The following USP24 variants were observed in gnomAD, a reference collection of about 807,000 sequenced individuals.
USP24 encodes ubiquitin carboxyl-terminal hydrolase 24.
In USP24, 97 loss-of-function variants were observed where a neutral mutation model predicts 361.6. The ratio of observed to expected loss-of-function variants is 0.27; its 90% CI spans 0.23 to 0.32. The LOEUF is 0.32. Ranked by LOEUF, USP24 falls within the 10% of genes least tolerant of loss-of-function variation. The probability of loss-of-function intolerance (pLI) is 1.00; values close to 1 mark genes in which losing one functional copy is unlikely to be tolerated. For missense variants in USP24, 2,353 were observed against 3,165.6 expected, an observed-to-expected ratio of 0.74 and a Z score of 6.16; for synonymous variants, 1,098 against 1,124.6, an observed-to-expected ratio of 0.98 and a Z score of 0.47.
intron 60 of USP24, among the ~76,000 whole-genome samples, chr1:55,078,895 C>T (rs981868876): frequency 1.7e-5 from 2 of 115,754 alleles, no homozygotes; most frequent in Admixed American, 2.0e-4. Flanking sequence ...TTTTCAAAGG[C>T]AAAAGCTCCC....
In USP24 at chr1:55,215,026, C is replaced by G; in HGVS notation, c.88G>C (p.Ala30Pro). 1 of 1,485,708 alleles carries G rather than the reference C, an allele frequency of 6.7e-7. No homozygotes were observed. Among genetic ancestry groups the G allele is most frequent in the Non-Finnish European group, 8.9e-7 (1 of 1,117,836 alleles). 92.0% of individuals were successfully genotyped at this position (1,485,708 alleles called of 1,614,324 possible). The change falls in exon 1 of 68, where the codon GCC becomes CCC. Residue 30 changes from alanine (A) to proline (P), a missense_variant. Ala to Pro is a conservative substitution (Grantham distance 27, BLOSUM62 -1). Coordinates refer to ENST00000294383, the MANE Select transcript of USP24 (RefSeq NM_015306.3). ...ACGGCCTCGTTAATGTCGTTCTTGG[C>G]CAGGCGCAGGGCCTTGCGGATGGTG... ...PATIRKALRL[A>P]KNDINEAVAL...
chr1:55,076,559 C>G (rs1488468873), intron 62 of USP24, among the ~76,000 whole-genome samples: 1 of 152,182 alleles, frequency 6.6e-6, no homozygotes, highest in East Asian at 1.9e-4. Context: ...TCACCAAATT[C>G]CAATGATTCT....
rs1645512969 is a variant in USP24 at position 55,097,092 on chromosome 1, A to C, written c.5796T>G (p.Asn1932Lys). ...CACCGCCCTGATCCACACTTCGCCC[A>C]TTTTCCCCAACTTCAGAAGAAGAAT... ...RQDSSSEVGE[N>K]GRSVDQGGGG... is the part of the protein sequence containing the mutation. The change falls in exon 49 of 68, where the codon AAT becomes AAG. Residue 1932 changes from asparagine to lysine, a missense_variant. This residue lies in a region of USP24 where 598 missense variants were observed against 761.9 expected (regional missense o/e 0.78). Transcript: ENST00000294383. 1 of 1,613,758 alleles carries C rather than the reference A, an allele frequency of 6.2e-7. No homozygotes were observed. The highest frequency in any genetic ancestry group is 8.5e-7 in the Non-Finnish European group (1 of 1,179,864).
In USP24 at chr1:55,125,708, T is replaced by A; in HGVS notation, c.3686A>T (p.Tyr1229Phe). ...QRDSIPSEVD[Y>F]ETRQGVYSIC... Reference sequence around the variant, plus strand: ...GGAATAAACACCCTGCCTTGTTTCATAGTCTACTTCTGATGGGATGGAGTC... The same window carrying A: ...GGAATAAACACCCTGCCTTGTTTCAAAGTCTACTTCTGATGGGATGGAGTC... The change falls in exon 33 of 68, where the codon TAT becomes TTT. Residue 1229 changes from tyrosine to phenylalanine, a missense_variant. By Grantham distance (22) the Tyr-to-Phe change is conservative. Around this residue, in one of 8 missense-constraint regions of USP24, gnomAD observed 949 missense variants for 1,280.5 expected, o/e 0.74. Coordinates refer to ENST00000294383, the MANE Select transcript of USP24 (RefSeq NM_015306.3). The A allele has an allele frequency of 6.3e-7, 1 of 1,597,008 alleles. No homozygotes were observed. Among genetic ancestry groups the A allele is most frequent in the Non-Finnish European group, 8.5e-7 (1 of 1,170,910 alleles).
intron 37 of USP24, 40 bp downstream of exon 37, chr1:55,121,396 G>C: frequency 6.4e-7 from 1 of 1,573,924 alleles, no homozygotes; most frequent in African/African-American, 1.4e-5. Context: ...CAAAACAACA[G>C]GACCAAAGGA....
intron 13 of USP24, 75 bp downstream of exon 13, chr1:55,154,596 G>A (rs758924924): frequency 2.1e-6 from 3 of 1,456,336 alleles, no homozygotes; most frequent in Admixed American, 1.9e-5. Flanking sequence ...CTGGTGGGGA[G>A]GAGGGGTATT....
At chr1:55,129,050 C>A (rs1027760995) in intron 32 of USP24, among the ~76,000 whole-genome samples, 1 of 152,070 alleles carries the variant, frequency 6.6e-6, no homozygotes, top group Non-Finnish European at 1.5e-5. Context: ...AGTTACCTAG[C>A]TGTTTGTTAT....
At chr1:55,082,518 T>G (rs1645170957) in intron 58 of USP24, among the ~76,000 whole-genome samples, 1 of 152,186 alleles carries the variant, frequency 6.6e-6, no homozygotes, top group African/African-American at 2.4e-5. Context: ...TTGGACATAT[T>G]CAACACTATT....
intron 58 of USP24, 110 bp downstream of exon 58, chr1:55,083,162 A>T: frequency 1.0e-6 from 1 of 1,004,922 alleles, no homozygotes; most frequent in Non-Finnish European, 1.5e-6. Context: ...TCTCTATGGT[A>T]CTACTACTTA....
intron 24 of USP24, among the ~76,000 whole-genome samples, chr1:55,140,096 G>A (rs536020247): frequency 5.3e-5 from 8 of 151,808 alleles, no homozygotes; most frequent in South Asian, 2.1e-4. Flanking sequence ...GTTCAAATTC[G>A]ACTTTGAAGC....
chr1:55,193,087 A>G (rs923585610), intron 1 of USP24, among the ~76,000 whole-genome samples: 2 of 152,234 alleles, frequency 1.3e-5, no homozygotes, highest in Non-Finnish European at 2.9e-5. Flanking sequence ...TTAAATACAT[A>G]GAAAGCAATG....
rs2100420144 is a variant in USP24, at chr1:55,079,553, T to C, written c.7185A>G (p.Lys2395=). Residue 2395 remains lysine, a synonymous_variant, in exon 60 of 68, where the codon AAA becomes AAG. Coordinates refer to ENST00000294383, the MANE Select transcript of USP24 (RefSeq NM_015306.3). ...VEALLFMSEG[K]PYLLEVMFAL... is the part of the protein sequence containing the mutation. ...AAGTACATACCTCTAACAGGTAAGG[T>C]TTCCCTTCAGACATGAACAACAAGG... is the stretch of plus-strand genomic sequence containing the variant. 2 of 1,573,554 alleles carry C rather than the reference T, an allele frequency of 1.3e-6. No individual in the cohort carries two copies. The highest frequency in any genetic ancestry group is 2.3e-5 in the East Asian group (1 of 42,660).
chr1:55,097,534 A>G (rs1284474233), intron 48 of USP24, 64 bp downstream of exon 48: 16 of 1,483,908 alleles, frequency 1.1e-5, no homozygotes, highest in South Asian at 1.4e-5. Context: ...TTGAAAAAGG[A>G]AAAAAAAAGA....
intron 1 of USP24, among the ~76,000 whole-genome samples, chr1:55,182,944 C>A (rs955683443): frequency 6.6e-6 from 1 of 152,064 alleles, no homozygotes; most frequent in Non-Finnish European, 1.5e-5. Context: ...GTCTTGAACT[C>A]CTGACCGCAA....
At position 55,148,355 on chromosome 1, in the gene USP24, T is replaced by C. The variant is rs536141423; in HGVS notation, c.1968+108A>G. Reference sequence around the variant, plus strand: ...TATTAGATGATATAAGTGAATTACATCAATAAACATAAAGATAGTGACTAT... The same window carrying C: ...TATTAGATGATATAAGTGAATTACACCAATAAACATAAAGATAGTGACTAT... On this transcript the variant is annotated intron_variant, in intron 17 of 67. Transcript: ENST00000294383. 5.2e-5 allele frequency: 34 copies of C among 659,836 alleles called. No individual in the cohort carries two copies. The East Asian group carries it at 1.0e-3, about 20-fold the overall frequency. The allele number at this position is 659,836 out of a possible 1,614,324, so 40.9% of individuals were successfully genotyped here.
At chr1:55,081,156 TA>T (rs1645141546) in intron 59 of USP24, among the ~76,000 whole-genome samples, 165 bp downstream of exon 59, 1 of 152,140 alleles carries the variant, frequency 6.6e-6, no homozygotes, top group South Asian at 2.1e-4. Context: ...GGCAAACTAG[TA>T]AAATATTATA....
chr1:55,186,231 A>C (rs1644126927), intron 1 of USP24, among the ~76,000 whole-genome samples: 1 of 152,242 alleles, frequency 6.6e-6, no homozygotes, highest in Non-Finnish European at 1.5e-5. Flanking sequence ...ATGGACAAGG[A>C]AATTTCACAT....
rs150029496 is a variant in USP24, at chr1:55,144,309, T to C, written c.2363-106A>G. 6.4e-4 allele frequency: 395 copies of C among 617,778 alleles called. No individual in the cohort carries two copies. The African/African-American group carries it at 7.0e-3, about 11-fold the overall frequency. 38.3% of individuals were successfully genotyped at this position (617,778 alleles called of 1,614,324 possible). Reference sequence around the variant, plus strand: ...AACTAAAACCATAAGACTCTTGGCATTGGCTTCTTAGATATGGTACCAAAG... The same window carrying C: ...AACTAAAACCATAAGACTCTTGGCACTGGCTTCTTAGATATGGTACCAAAG... On this transcript the variant is annotated intron_variant, in intron 20 of 67. Transcript: ENST00000294383.
chr1:55,134,305 G>A, intron 29 of USP24, 23 bp downstream of exon 29: 1 of 1,604,676 alleles, frequency 6.2e-7, no homozygotes, highest in East Asian at 2.2e-5. Flanking sequence ...TCTCTGCCAA[G>A]CCTCACAAAT....
Sources: gnomAD v4.1 joint callset for allele counts (sites outside exome capture counted in the v4.1 genomes callset) on GRCh38, gnomAD v4.1.1 for gene constraint, gnomAD v4.1.1 regional missense constraint, MANE v1.5 for transcripts, NCBI Gene and HGNC (gene_info 2026-07-23, HGNC 2026-07-21) for gene names.